The following SPNS2 variants were observed in gnomAD, a reference collection of about 807,000 sequenced individuals.
SPNS2 encodes the protein sphingosine-1-phosphate transporter SPNS2.
In SPNS2, 37 loss-of-function variants were observed where a neutral mutation model predicts 57.6. The ratio of observed to expected loss-of-function variants is 0.64; its 90% confidence interval spans 0.49 to 0.85. The LOEUF is 0.85. SPNS2 is among the 40% of genes least tolerant of loss of function. The pLI is 0.00. For missense variants in SPNS2, 831 were observed against 779.1 expected (o/e 1.07, Z -0.79); for synonymous variants, 440 against 346.9 (o/e 1.27, Z -2.98).
chr17:4,521,001 G>A (rs576613879), intron 2 of SPNS2, among the ~76,000 whole-genome samples: 5 of 152,244 alleles, frequency 3.3e-5, no homozygotes, highest in Admixed American at 1.3e-4. Context: ...ATATTTCAGC[G>A]TATATTCTTG....
chr17:4,510,593 C>T lies in SPNS2; in HGVS notation c.371-2654C>T, dbSNP rs931606854. On this transcript the variant is annotated intron_variant, in intron 1 of 12. Transcript: ENST00000329078. This position sits in a 1 kb window ranked among gnomAD's most constrained non-coding sequence, Gnocchi z 4.4. ...CATGATGGCTATTTTGATATGGCCTCCCTCCCAGAAATGGAACCTGCAGTT... is the reference window on the plus strand; with the variant it reads ...CATGATGGCTATTTTGATATGGCCTTCCTCCCAGAAATGGAACCTGCAGTT... Among the ~76,000 whole-genome samples the T allele has an allele frequency of 1.3e-4, 20 of 152,270 alleles. No individual in the cohort carries two copies. Among genetic ancestry groups the T allele is most frequent in the African/African-American group, 4.8e-4 (20 of 41,560 alleles).
chr17:4,520,296 T>G (rs541233711), intron 2 of SPNS2, among the ~76,000 whole-genome samples: 44 of 152,180 alleles, frequency 2.9e-4, no homozygotes, highest in African/African-American at 9.9e-4. Flanking sequence ...CTTCTGCCCA[T>G]CTAAGTGAGG....
chr17:4,519,605 G>GCACACATGAGCTGAGCGAGGGCTTCCC (rs71147065), intron 2 of SPNS2, among the ~76,000 whole-genome samples: 2 of 151,794 alleles, frequency 1.3e-5, no homozygotes, highest in African/African-American at 4.8e-5. Flanking sequence ...TGTGGGCTCA[G>GCACACATGAGCTGAGCGAGGGCTTCCC]CACACCCTCC....
chr17:4,524,996 T>G, intron 2 of SPNS2, 61 bp from the exon 3 acceptor site: 4 of 1,588,124 alleles, frequency 2.5e-6, no homozygotes, highest in Non-Finnish European at 3.4e-6. Flanking sequence ...CGGAGTGAAA[T>G]GGGCCGGGAG....
Position 4,530,743 on chromosome 17 carries a change from C to T in SPNS2, c.685C>T (p.Leu229Phe). ...GDLFTKNTRTLMLSVFYFAIP... is the reference protein window; with the variant it reads ...GDLFTKNTRTFMLSVFYFAIP... ...CCTCTTCACCAAGAACACGCGTACG[C>T]TCATGCTGTCCGTCTTCTACTTCGC... Residue 229 changes from leucine to phenylalanine, a missense_variant, in exon 4 of 13, where the codon CTC becomes TTC. Leu to Phe is a conservative substitution (Grantham distance 22). Coordinates refer to ENST00000329078, the MANE Select transcript of SPNS2 (RefSeq NM_001124758.3). 6.2e-7 allele frequency: 1 copy of T among 1,614,046 alleles called. No homozygotes were observed. The highest frequency in any genetic ancestry group is 1.1e-5 in the South Asian group (1 of 91,076).
intron 2 of SPNS2, among the ~76,000 whole-genome samples, chr17:4,520,350 T>G (rs899452931): frequency 6.6e-6 from 1 of 152,106 alleles, no homozygotes; most frequent in African/African-American, 2.4e-5. Context: ...GAAGGGCCCG[T>G]GCTTCCTGCT....
chr17:4,537,475 C>T lies in SPNS2; in HGVS notation c.*27C>T, dbSNP rs534661340. ...CAGGTGCCATTGGGACAATGAAGAA[C>T]CCACACTCCCACCTCGTCTGGGAGG... On this transcript the variant is annotated 3_prime_UTR_variant, in exon 13 of 13. Coordinates refer to ENST00000329078, the MANE Select transcript of SPNS2 (RefSeq NM_001124758.3). The T allele has an allele frequency of 6.6e-6, 3 of 455,858 alleles. No individual in the cohort carries two copies. The highest frequency in any genetic ancestry group is 2.0e-5 in the African/African-American group (1 of 50,100). The allele number at this position is 455,858 out of a possible 1,614,324, so 28.2% of individuals were successfully genotyped here. A position where few individuals can be genotyped will look rare whatever the true frequency, so the allele number is the denominator to read the frequency against.
At position 4,533,447 on chromosome 17, in the gene SPNS2, G is replaced by A. The variant is rs373156615; in HGVS notation, c.1278+15G>A. 8.9e-5 allele frequency: 141 copies of A among 1,578,864 alleles called. No individual in the cohort carries two copies. The highest frequency in any genetic ancestry group is 1.7e-4 in the Middle Eastern group (1 of 5,944). On this transcript the variant is annotated intron_variant, in intron 8 of 12. Transcript: ENST00000329078. ...TAGGAGCCTATGTGAGTGCAGCGGG[G>A]GTCAAGGGTGCTGGGGGAGCTGGGC...
chr17:4,533,226 A>C lies in SPNS2; in HGVS notation c.1089-17A>C, dbSNP rs1905582241. On this transcript the variant is annotated splice_polypyrimidine_tract_variant and intron_variant, in intron 7 of 12. Transcript: ENST00000329078. Reference sequence around the variant, plus strand: ...GAGCCGCCTCAACTCGTGCGCCACCATCCTCTGTCCCCACAGCCTCATCTT... The same window carrying C: ...GAGCCGCCTCAACTCGTGCGCCACCCTCCTCTGTCCCCACAGCCTCATCTT... 2 of 1,588,140 alleles carry C rather than the reference A, an allele frequency of 1.3e-6. No homozygotes were observed. Among genetic ancestry groups the C allele is most frequent in the Middle Eastern group, 1.7e-4 (1 of 5,982 alleles).
At chr17:4,524,623 G>A (rs1905219117) in intron 2 of SPNS2, among the ~76,000 whole-genome samples, 1 of 152,242 alleles carries the variant, frequency 6.6e-6, no homozygotes, top group African/African-American at 2.4e-5. Flanking sequence ...GATGGAGGTT[G>A]CAGTGAGCCG....
At chr17:4,506,254 G>T (rs534395529) in intron 1 of SPNS2, among the ~76,000 whole-genome samples, 1 of 152,184 alleles carries the variant, frequency 6.6e-6, no homozygotes, top group Non-Finnish European at 1.5e-5. Flanking sequence ...AGTAGCACGT[G>T]GGGAGAAGGC....
chr17:4,538,740 G>T lies in SPNS2; in HGVS notation c.*1292G>T. On this transcript the variant is annotated 3_prime_UTR_variant, in exon 13 of 13. Coordinates refer to ENST00000329078, the MANE Select transcript of SPNS2 (RefSeq NM_001124758.3). ...TGGCTGGCTGTGGCTTCAGTGGTGT[G>T]TAAGCAGGTGGAATACTCACCCACC... 1.4e-6 allele frequency: 1 copy of T among 694,060 alleles called. No homozygotes were observed. The highest frequency in any genetic ancestry group is 2.6e-6 in the Non-Finnish European group (1 of 388,482). 43.0% of individuals were successfully genotyped at this position (694,060 alleles called of 1,614,324 possible).
At chr17:4,530,579 A>G (rs993772088) in intron 3 of SPNS2, 53 bp from the exon 4 acceptor site, 1 of 1,574,096 alleles carries the variant, frequency 6.4e-7, no homozygotes, top group African/African-American at 1.4e-5. Context: ...ACAAGGGATG[A>G]CAGGCAGACG....
chr17:4,536,226 G>A, intron 10 of SPNS2, 37 bp from the exon 11 acceptor site: 3 of 1,609,338 alleles, frequency 1.9e-6, no homozygotes, highest in Non-Finnish European at 2.5e-6. Flanking sequence ...GACTGCAGGA[G>A]GGCTCTGCCC....
chr17:4,501,213 G>C (rs1315569639), intron 1 of SPNS2, among the ~76,000 whole-genome samples: 1 of 152,172 alleles, frequency 6.6e-6, no homozygotes, highest in African/African-American at 2.4e-5. Flanking sequence ...AGCTGAAGAA[G>C]GAATGGTACT....
chr17:4,517,948 T>C (rs1423139834), intron 2 of SPNS2, among the ~76,000 whole-genome samples: 7 of 152,078 alleles, frequency 4.6e-5, no homozygotes, highest in African/African-American at 1.7e-4. Flanking sequence ...CTACACCTAG[T>C]TGAAAAGAAA....
At chr17:4,531,009 A>G in intron 4 of SPNS2, 44 bp from the exon 5 acceptor site, 2 of 1,607,730 alleles carry the variant, frequency 1.2e-6, no homozygotes, top group Non-Finnish European at 1.7e-6. Flanking sequence ...CCCTGTCCCC[A>G]GCCCCTGTCT....
At chr17:4,506,070 G>A (rs577447202) in intron 1 of SPNS2, among the ~76,000 whole-genome samples, 10 of 152,326 alleles carry the variant, frequency 6.6e-5, no homozygotes, top group Admixed American at 6.5e-4. Flanking sequence ...AGGGGTGACT[G>A]CTTGCAGCCT....
intron 3 of SPNS2, among the ~76,000 whole-genome samples, chr17:4,528,942 C>CT (rs569324524): frequency 0.12 from 17,495 of 144,000 alleles, 1,195 homozygotes; most frequent in East Asian, 0.33. Flanking sequence ...TTTATCTTTT[C>CT]TTTTTTTTTT....
Sources: gnomAD v4.1 joint callset for allele counts (sites outside exome capture counted in the v4.1 genomes callset) on GRCh38, gnomAD v4.1.1 for gene constraint, Gnocchi (gnomAD v3.1) non-coding constraint, MANE v1.5 for transcripts, NCBI Gene and HGNC (gene_info 2026-07-23, HGNC 2026-07-21) for gene names.